The following GRM8 variants were observed in gnomAD, a reference collection of about 807,000 sequenced individuals.
GRM8 encodes the protein metabotropic glutamate receptor 8.
A neutral mutation model predicts 87.2 loss-of-function variants in GRM8; 47 were observed. That is an observed-to-expected ratio of 0.54 (90% confidence interval 0.43 to 0.69). The LOEUF (loss-of-function observed/expected upper bound fraction) is 0.69, where lower values mean the gene tolerates loss of function less well. Ranked by LOEUF, GRM8 falls within the 30% of genes least tolerant of loss-of-function variation. GRM8 has a pLI of 0.00. For synonymous variants in GRM8, 396 were observed against 404.5 expected (o/e 0.98, Z 0.25); for missense variants, 1,019 against 1,139.2 (o/e 0.89, Z 1.52).
chr7:126,988,894 A>G (rs958674745), intron 3 of GRM8, among the ~76,000 whole-genome samples: 10 of 152,192 alleles, frequency 6.6e-5, no homozygotes, highest in Non-Finnish European at 1.3e-4. Context: ...GAGAGAGTCA[A>G]ATGGGTAATG....
chr7:127,221,499 G>C (rs1796930635), intron 2 of GRM8, among the ~76,000 whole-genome samples: 1 of 152,168 alleles, frequency 6.6e-6, no homozygotes, highest in East Asian at 1.9e-4. Context: ...GCTCAAGACT[G>C]GTTGATGCAA....
chr7:126,960,761 C>T (rs1809231842), intron 3 of GRM8, among the ~76,000 whole-genome samples: 1 of 152,136 alleles, frequency 6.6e-6, no homozygotes, highest in Non-Finnish European at 1.5e-5. Flanking sequence ...CATTTTGAAG[C>T]AGTTAAGTTT....
At chr7:127,197,961 T>C (rs2116532678) in intron 2 of GRM8, among the ~76,000 whole-genome samples, 1 of 152,248 alleles carries the variant, frequency 6.6e-6, no homozygotes, top group African/African-American at 2.4e-5. Flanking sequence ...ATACTCTATG[T>C]CTTTTGCTTT....
intron 6 of GRM8, among the ~76,000 whole-genome samples, chr7:126,813,774 C>A (rs1306148607): frequency 6.6e-6 from 1 of 152,086 alleles, no homozygotes. Context: ...AAAGCTACAG[C>A]CTTCACAATC....
intron 9 of GRM8, among the ~76,000 whole-genome samples, chr7:126,498,275 G>A (rs1809081242): frequency 6.6e-6 from 1 of 151,852 alleles, no homozygotes; most frequent in Non-Finnish European, 1.5e-5. Context: ...TTCTTATAAA[G>A]AAAGGAAAAA....
At chr7:127,136,195 G>A (rs1019968791) in intron 2 of GRM8, among the ~76,000 whole-genome samples, 2 of 151,610 alleles carry the variant, frequency 1.3e-5, no homozygotes, top group Non-Finnish European at 2.9e-5. Flanking sequence ...TATAATATGT[G>A]TAACTTGCTA....
chr7:126,665,830 A>G (rs1056989440), intron 7 of GRM8, among the ~76,000 whole-genome samples: 1 of 152,084 alleles, frequency 6.6e-6, no homozygotes, highest in Non-Finnish European at 1.5e-5. Context: ...AGTCATCTTT[A>G]ACATATATCA....
rs369722874 is a variant in GRM8 at position 126,813,154 on chromosome 7, T to A, written c.1157-43089A>T. 2.0e-5 allele frequency among the ~76,000 whole-genome samples: 3 copies of A among 152,040 alleles called. No individual in the cohort carries two copies. In the East Asian group the frequency reaches 5.8e-4, roughly 29 times the overall value. ...ATAACCTACGCATGTACCCCTGAACTTAAAAGTTTAAAAAAAGAAACTTTT... is the reference window on the plus strand; with the variant it reads ...ATAACCTACGCATGTACCCCTGAACATAAAAGTTTAAAAAAAGAAACTTTT... On this transcript the variant is annotated intron_variant, in intron 6 of 10. Transcript: ENST00000339582.
chr7:127,243,127 T>G lies in GRM8; in HGVS notation c.78A>C (p.Thr26=), dbSNP rs1372996313. 1 of 1,613,978 alleles carries G rather than the reference T, an allele frequency of 6.2e-7. No individual in the cohort carries two copies. The highest frequency in any genetic ancestry group is 8.5e-7 in the Non-Finnish European group (1 of 1,179,960). The change falls in exon 2 of 11, where the codon ACA becomes ACC. Residue 26 remains threonine, a synonymous_variant. Coordinates refer to ENST00000339582, the MANE Select transcript of GRM8 (RefSeq NM_000845.3). ...LLTAKFYWIL[T]MMQRTHSQEY... The stretch of plus-strand genomic sequence containing the variant: ...CCTGGCTGTGAGTTCTTTGCATCAT[T>G]GTGAGGATCCAGTAGAACTTGGCGG...
At chr7:126,748,711 A>T (rs1816021522) in intron 7 of GRM8, among the ~76,000 whole-genome samples, 1 of 151,848 alleles carries the variant, frequency 6.6e-6, no homozygotes, top group Admixed American at 6.6e-5. Flanking sequence ...AAAAACAAAG[A>T]GAATTTACAC....
chr7:127,092,717 G>GA (rs902851785), intron 3 of GRM8, among the ~76,000 whole-genome samples: 2 of 152,048 alleles, frequency 1.3e-5, no homozygotes, highest in Non-Finnish European at 2.9e-5. Context: ...AGGGGGAAAA[G>GA]AAAAAAGAAG....
At chr7:126,948,138 C>T (rs1282155820) in intron 3 of GRM8, among the ~76,000 whole-genome samples, 4 of 151,950 alleles carry the variant, frequency 2.6e-5, no homozygotes, top group South Asian at 2.1e-4. Flanking sequence ...GCTCACAGCT[C>T]GGTGGAAGTA....
At chr7:127,157,400 T>C (rs543538743) in intron 2 of GRM8, among the ~76,000 whole-genome samples, 2 of 152,248 alleles carry the variant, frequency 1.3e-5, no homozygotes, top group African/African-American at 4.8e-5. Flanking sequence ...ATCTGGTGAA[T>C]TCTATGGACT....
Position 127,044,183 on chromosome 7 carries a change from G to A in GRM8, c.727+62313C>T, listed in dbSNP as rs140216724. ...AGCAGCTGCACAGGAGGGTATCTGA[G>A]AGGAAGCTACTGTTCCCAGAATAAT... On this transcript the variant is annotated intron_variant, in intron 3 of 10. Transcript: ENST00000339582. Among the ~76,000 whole-genome samples, 651 of 152,264 alleles carry A rather than the reference G, an allele frequency of 4.3e-3. 7 individuals carry two copies. The highest frequency in any genetic ancestry group is 0.015 in the African/African-American group (623 of 41,550).
chr7:126,949,669 G>A (rs1246590888), intron 3 of GRM8, among the ~76,000 whole-genome samples: 2 of 152,234 alleles, frequency 1.3e-5, no homozygotes, highest in African/African-American at 2.4e-5. Context: ...GTTTAAAAAT[G>A]AGAATAAAGC....
chr7:126,704,327 T>C (rs1290275105), intron 7 of GRM8, among the ~76,000 whole-genome samples: 1 of 152,190 alleles, frequency 6.6e-6, no homozygotes, highest in Non-Finnish European at 1.5e-5. Flanking sequence ...GTCTTTACTT[T>C]AATCTCTTAA....
chr7:126,939,294 G>C (rs903426187), intron 3 of GRM8, among the ~76,000 whole-genome samples: 1 of 152,194 alleles, frequency 6.6e-6, no homozygotes, highest in Non-Finnish European at 1.5e-5. Context: ...TTCTAGGTTT[G>C]AGAAGCCAAT....
intron 7 of GRM8, among the ~76,000 whole-genome samples, chr7:126,627,029 T>C (rs62477904): frequency 0.31 from 46,847 of 152,140 alleles, 8,086 homozygotes; most frequent in East Asian, 0.43. Context: ...CCTTCTCTTA[T>C]AAGTCTTAAA....
intron 7 of GRM8, among the ~76,000 whole-genome samples, chr7:126,621,244 A>G (rs773895918): frequency 6.6e-6 from 1 of 152,136 alleles, no homozygotes; most frequent in Non-Finnish European, 1.5e-5. Context: ...TTACTCTTAC[A>G]TGTATCAATT....
Sources: gnomAD v4.1 joint callset for allele counts (sites outside exome capture counted in the v4.1 genomes callset) on GRCh38, gnomAD v4.1.1 for gene constraint, MANE v1.5 for transcripts, NCBI Gene and HGNC (gene_info 2026-07-23, HGNC 2026-07-21) for gene names.